The following NPTX1 variants were observed in gnomAD, a reference collection of about 807,000 sequenced individuals.
NPTX1 encodes the protein neuronal pentraxin 1.
In NPTX1, 12 loss-of-function variants were observed where a neutral mutation model predicts 38.7. That is an observed-to-expected ratio of 0.31 (90% CI 0.20 to 0.50). The LOEUF (loss-of-function observed/expected upper bound fraction) is 0.50. Among genes scored for constraint, NPTX1 ranks in the 20% least tolerant of loss-of-function variants. The probability of loss-of-function intolerance (pLI) is 0.98; values close to 1 mark genes in which losing one functional copy is unlikely to be tolerated. For missense variants in NPTX1, 454 were observed against 592.2 expected (o/e 0.77, Z 2.42); for synonymous variants, 272 against 264.9 (o/e 1.03, Z -0.26).
chr17:80,473,079 AAAC>A, intron 3 of NPTX1, 118 bp downstream of exon 3: 1 of 1,110,144 alleles, frequency 9.0e-7, no homozygotes, highest in Non-Finnish European at 1.3e-6. Context: ...CCCACCTGGC[AAAC>A]ACTTTCCTTG....
At position 80,473,224 on chromosome 17, in the gene NPTX1, G is replaced by A. The variant is rs770417894; in HGVS notation, c.873C>T (p.Pro291=). 48 of 1,613,408 alleles carry A rather than the reference G, an allele frequency of 3.0e-5. No homozygotes were observed. The highest frequency in any genetic ancestry group is 1.0e-4 in the Admixed American group (6 of 60,006). The change falls in exon 3 of 5, where the codon CCC becomes CCT. Residue 291 remains proline, a synonymous_variant. Transcript: ENST00000306773. ...CCTTGTCATTGATGAGGATCTCCAT[G>A]GGGTTGTTGCCCCACTCAATGAGGA... The part of the protein sequence containing the change: ...ELVLIEWGNN[P]MEILINDKVA...
rs747984649 is a variant in NPTX1 at position 80,473,194 on chromosome 17, C to G, written c.897+6G>C. 1.2e-6 allele frequency: 2 copies of G among 1,611,844 alleles called. No individual in the cohort carries two copies. Among genetic ancestry groups the G allele is most frequent in the Non-Finnish European group, 1.7e-6 (2 of 1,179,708 alleles). The stretch of plus-strand genomic sequence containing the variant: ...TGCCGCCCTGTGAGCCCGGGGGCTG[C>G]TCTACCTTGTCATTGATGAGGATCT... On this transcript the variant is annotated splice_donor_region_variant and intron_variant, in intron 3 of 4. Transcript: ENST00000306773.
At position 80,471,836 on chromosome 17, in the gene NPTX1, C is replaced by T; in HGVS notation, c.973G>A (p.Val325Ile). The T allele has an allele frequency of 6.2e-7, 1 of 1,613,680 alleles. No homozygotes were observed. Among genetic ancestry groups the T allele is most frequent in the South Asian group, 1.1e-5 (1 of 91,090 alleles). Residue 325 changes from valine to isoleucine, a missense_variant, in exon 4 of 5, where the codon GTC (valine) becomes ATC (isoleucine). By Grantham distance (29) the Val-to-Ile change is conservative. Transcript: ENST00000306773. Reference sequence around the variant, plus strand: ...GTGCCATCCTGGTAGGCCTCCCAGACCCCGTCCCGGGTGGTCCAGGTGACA... The same window carrying T: ...GTGCCATCCTGGTAGGCCTCCCAGATCCCGTCCCGGGTGGTCCAGGTGACA... The part of the protein sequence containing the change: ...ICVTWTTRDG[V>I]WEAYQDGTQG...
chr17:80,467,211 C>G lies in NPTX1; in HGVS notation c.*3602G>C, dbSNP rs1289434762. 1 of 102,672 alleles carries G rather than the reference C, an allele frequency of 9.7e-6. No homozygotes were observed. Among genetic ancestry groups the G allele is most frequent in the African/African-American group, 3.8e-5 (1 of 26,194 alleles). 6.4% of individuals were successfully genotyped at this position (102,672 alleles called of 1,614,324 possible). On this transcript the variant is annotated 3_prime_UTR_variant, in exon 5 of 5. Coordinates refer to ENST00000306773, the MANE Select transcript of NPTX1 (RefSeq NM_002522.4). ...TTTTTTTTCTCTTCAATGACTTGTT[C>G]CCTTTCAACAAATTGCACTTCAGTC...
chr17:80,470,809 G>C lies in NPTX1; in HGVS notation c.*4C>G. On this transcript the variant is annotated 3_prime_UTR_variant, in exon 5 of 5. Coordinates refer to ENST00000306773, the MANE Select transcript of NPTX1 (RefSeq NM_002522.4). ...GCGGGCGGGCTCAGCCTGGCCTGCCGTGCTCAGTTGATCTGGCGACAGGCC... is the reference window on the plus strand; with the variant it reads ...GCGGGCGGGCTCAGCCTGGCCTGCCCTGCTCAGTTGATCTGGCGACAGGCC... 1.3e-6 allele frequency: 2 copies of C among 1,579,318 alleles called. No individual in the cohort carries two copies. Among genetic ancestry groups the C allele is most frequent in the Non-Finnish European group, 1.7e-6 (2 of 1,154,688 alleles).
Position 80,470,885 on chromosome 17 carries a change from C to T in NPTX1, c.1227G>A (p.Trp409Ter), listed in dbSNP as rs767327518. 6.2e-7 allele frequency: 1 copy of T among 1,612,454 alleles called. No individual in the cohort carries two copies. Among genetic ancestry groups the T allele is most frequent in the Non-Finnish European group, 8.5e-7 (1 of 1,178,722 alleles). ...CGTAGATCTCGATGTGGGATTCAGCCCAGGCGATGACATTGCCGGACAGAG... is the reference window on the plus strand; with the variant it reads ...CGTAGATCTCGATGTGGGATTCAGCTCAGGCGATGACATTGCCGGACAGAG... ...TKALSGNVIA[W>*]AESHIEIYGG... The change falls in exon 5 of 5, where the codon TGG becomes TGA. Residue 409 changes from tryptophan (W) to a stop codon, truncating the protein, a stop_gained. Coordinates refer to ENST00000306773, the MANE Select transcript of NPTX1 (RefSeq NM_002522.4). LOFTEE classifies it high-confidence loss of function.
chr17:80,475,553 C>A lies in NPTX1; in HGVS notation c.610G>T (p.Ala204Ser). Residue 204 changes from alanine to serine, a missense_variant, in exon 2 of 5, where the codon GCC (alanine) becomes TCC (serine). Physicochemically the swap from Ala to Ser is moderately conservative, Grantham distance 99. Coordinates refer to ENST00000306773, the MANE Select transcript of NPTX1 (RefSeq NM_002522.4). The surrounding 1 kb of genome is among the most constrained non-coding windows in gnomAD (Gnocchi z 6.5). ...ATCCGCTGGTGCAGGGAGGTCAGGGCGGTCTCGATCTTGACCCTCTCCTCG... is the reference window on the plus strand; with the variant it reads ...ATCCGCTGGTGCAGGGAGGTCAGGGAGGTCTCGATCTTGACCCTCTCCTCG... ...DTEERVKIET[A>S]LTSLHQRISE... 1.2e-6 allele frequency: 2 copies of A among 1,612,824 alleles called. No individual in the cohort carries two copies. Among genetic ancestry groups the A allele is most frequent in the South Asian group, 1.1e-5 (1 of 91,012 alleles).
rs1466979213 is a variant in NPTX1 at position 80,473,455 on chromosome 17, C to T, written c.653-11G>A. 6.2e-7 allele frequency: 1 copy of T among 1,613,400 alleles called. No individual in the cohort carries two copies. Among genetic ancestry groups the T allele is most frequent in the East Asian group, 2.2e-5 (1 of 44,902 alleles). ...GGTTGTCTTTCTGACCTGCGGAAGA[C>T]ACAGTCCTGACATCTGCACCTGCGT... On this transcript the variant is annotated splice_polypyrimidine_tract_variant and intron_variant, in intron 2 of 4. Transcript: ENST00000306773.
In NPTX1 at chr17:80,476,465, C is replaced by A. The variant is rs2083883816; in HGVS notation, c.-19G>T. ...CCGGCATGGCTGCGGGCACCGGGCGCTCCGGGCCCGGCTCGGCTCGGCTGG... is the reference window on the plus strand; with the variant it reads ...CCGGCATGGCTGCGGGCACCGGGCGATCCGGGCCCGGCTCGGCTCGGCTGG... On this transcript the variant is annotated 5_prime_UTR_variant, in exon 1 of 5. Coordinates refer to ENST00000306773, the MANE Select transcript of NPTX1 (RefSeq NM_002522.4). This position sits in a 1 kb window ranked among gnomAD's most constrained non-coding sequence, Gnocchi z 6.3. 1.7e-6 allele frequency: 2 copies of A among 1,207,196 alleles called. No individual in the cohort carries two copies. Among genetic ancestry groups the A allele is most frequent in the Non-Finnish European group, 2.1e-6 (2 of 974,876 alleles). The allele number at this position is 1,207,196 out of a possible 1,614,324, so 74.8% of individuals were successfully genotyped here.
At chr17:80,473,534 C>A in intron 2 of NPTX1, 90 bp from the exon 3 acceptor site, 1 of 1,343,618 alleles carries the variant, frequency 7.4e-7, no homozygotes. Context: ...CTCTGTGATG[C>A]GTGGCCAGGG....
At position 80,475,617 on chromosome 17, in the gene NPTX1, G is replaced by A. The variant is rs960729587; in HGVS notation, c.546C>T (p.Asn182=). 1.2e-6 allele frequency: 2 copies of A among 1,612,688 alleles called. No individual in the cohort carries two copies. The highest frequency in any genetic ancestry group is 1.7e-6 in the Non-Finnish European group (2 of 1,179,742). The part of the protein sequence containing the change: ...ELERQVLSRV[N]TLEEGKGGPR... Reference sequence around the variant, plus strand: ...GGCCCCCCTTGCCCTCCTCCAGGGTGTTCACCCGGGACAGCACCTGCCTCT... The same window carrying A: ...GGCCCCCCTTGCCCTCCTCCAGGGTATTCACCCGGGACAGCACCTGCCTCT... Residue 182 remains asparagine (N), a synonymous_variant, in exon 2 of 5, where the codon AAC becomes AAT. Coordinates refer to ENST00000306773, the MANE Select transcript of NPTX1 (RefSeq NM_002522.4). This position sits in a 1 kb window ranked among gnomAD's most constrained non-coding sequence, Gnocchi z 6.5.
At chr17:80,473,487 C>T (rs2143045002) in intron 2 of NPTX1, 43 bp from the exon 3 acceptor site, 3 of 1,602,228 alleles carry the variant, frequency 1.9e-6, no homozygotes, top group Non-Finnish European at 2.6e-6. Flanking sequence ...GCGTGAAGTG[C>T]TTATCGGTGT....
intron 3 of NPTX1, among the ~76,000 whole-genome samples, chr17:80,472,389 G>C (rs927522355): frequency 1.3e-5 from 2 of 152,226 alleles, no homozygotes; most frequent in Non-Finnish European, 2.9e-5. Context: ...GAGGATCTGA[G>C]AGATGTCATG....
At position 80,471,915 on chromosome 17, in the gene NPTX1, G is replaced by A; in HGVS notation, c.898-4C>T. On this transcript the variant is annotated splice_polypyrimidine_tract_variant and splice_region_variant and intron_variant, in intron 3 of 4. Transcript: ENST00000306773. ...TGACAAAAGGCAACTTGGCCACCTGGGAAGGAGAATGACAGACGCCAGCTG... is the reference window on the plus strand; with the variant it reads ...TGACAAAAGGCAACTTGGCCACCTGAGAAGGAGAATGACAGACGCCAGCTG... 1.2e-6 allele frequency: 2 copies of A among 1,609,350 alleles called. 1 individual carries two copies. The highest frequency in any genetic ancestry group is 1.7e-6 in the Non-Finnish European group (2 of 1,177,702).
In NPTX1 at chr17:80,475,791, G is replaced by A. The variant is rs2083877141; in HGVS notation, c.445-73C>T. 4 of 1,264,000 alleles carry A rather than the reference G, an allele frequency of 3.2e-6. No homozygotes were observed. The highest frequency in any genetic ancestry group is 4.5e-6 in the Non-Finnish European group (4 of 893,726). 78.3% of individuals were successfully genotyped at this position (1,264,000 alleles called of 1,614,324 possible). A position where few individuals can be genotyped will look rare whatever the true frequency, so the allele number is the denominator to read the frequency against. ...GGGACCGTGCTGGAAGGCCCGCGGC[G>A]CGGTCCCCTCTGGGCGACTGCGGGG... On this transcript the variant is annotated intron_variant, in intron 1 of 4. Coordinates refer to ENST00000306773, the MANE Select transcript of NPTX1 (RefSeq NM_002522.4). This position sits in a 1 kb window ranked among gnomAD's most constrained non-coding sequence, Gnocchi z 6.5.
rs949813755 is a variant in NPTX1 at position 80,476,282 on chromosome 17, C to G, written c.165G>C (p.Arg55=). ...SVAAGGAEEL[R]SSVLQLRETV... ...TCTCGCGGAGCTGCAGCACGCTGCT[C>G]CGGAGCTCCTCGGCGCCGCCGGCGG... Residue 55 remains arginine (R), a synonymous_variant, in exon 1 of 5, where the codon CGG becomes CGC. Coordinates refer to ENST00000306773, the MANE Select transcript of NPTX1 (RefSeq NM_002522.4). The surrounding 1 kb of genome is among the most constrained non-coding windows in gnomAD (Gnocchi z 6.3). The G allele has an allele frequency of 1.3e-6, 2 of 1,564,080 alleles. No homozygotes were observed. The highest frequency in any genetic ancestry group is 2.4e-5 in the East Asian group (1 of 42,224).
intron 4 of NPTX1, 119 bp downstream of exon 4, chr17:80,471,613 G>C (rs79457298): frequency 1.5e-5 from 22 of 1,453,174 alleles, no homozygotes; most frequent in Non-Finnish European, 1.9e-5. Context: ...CCTGCTCCCC[G>C]GGCTGCTTCT....
At position 80,469,667 on chromosome 17, in the gene NPTX1, C is replaced by T. The variant is rs367905992; in HGVS notation, c.*1146G>A. ...CCCTGGAGGGGTCTGAACCAGCTCA[C>T]CTGGCGCCTGGTGTGCTGGGAGGGA... On this transcript the variant is annotated 3_prime_UTR_variant, in exon 5 of 5. Transcript: ENST00000306773. 7.2e-5 allele frequency: 11 copies of T among 152,392 alleles called. No individual in the cohort carries two copies. In the East Asian group the frequency reaches 9.7e-4, roughly 13 times the overall value. The allele number at this position is 152,392 out of a possible 1,614,324, so 9.4% of individuals were successfully genotyped here.
Position 80,470,626 on chromosome 17 carries a change from A to T in NPTX1, c.*187T>A. 4 of 545,528 alleles carry T rather than the reference A, an allele frequency of 7.3e-6. No individual in the cohort carries two copies. The highest frequency in any genetic ancestry group is 1.3e-5 in the Non-Finnish European group (4 of 304,234). The allele number at this position is 545,528 out of a possible 1,614,324, so 33.8% of individuals were successfully genotyped here. A position where few individuals can be genotyped will look rare whatever the true frequency, so the allele number is the denominator to read the frequency against. On this transcript the variant is annotated 3_prime_UTR_variant, in exon 5 of 5. Coordinates refer to ENST00000306773, the MANE Select transcript of NPTX1 (RefSeq NM_002522.4). ...TCCTACAGAGAAGTGGGGCTTCCTC[A>T]GGGACAGATGGGAGCAGGGGCTGCT...
Sources: gnomAD v4.1 joint callset for allele counts (sites outside exome capture counted in the v4.1 genomes callset) on GRCh38, gnomAD v4.1.1 for gene constraint, Gnocchi (gnomAD v3.1) non-coding constraint, MANE v1.5 for transcripts, NCBI Gene and HGNC (gene_info 2026-07-23, HGNC 2026-07-21) for gene names.